Variants in WDR27 observed in about 807,000 individuals in gnomAD.
WDR27 encodes WD repeat-containing protein 27.
WDR27 carries 100 observed loss-of-function variants against 114.4 expected under a neutral mutation model. The observed-to-expected ratio is 0.87, with a 90% CI of 0.74 to 1.03. The LOEUF is 1.03. Ranked by LOEUF, WDR27 falls within the 50% of genes least tolerant of loss-of-function variation. The probability of loss-of-function intolerance (pLI) is 0.00; values close to 1 mark genes in which losing one functional copy is unlikely to be tolerated. For missense variants in WDR27, 1,129 were observed against 1,092.9 expected (o/e 1.03, Z -0.47); for synonymous variants, 449 against 423.1 (o/e 1.06, Z -0.75).
chr6:169,680,658 T>C (rs972925252), intron 2 of WDR27, among the ~76,000 whole-genome samples: 14 of 152,264 alleles, frequency 9.2e-5, no homozygotes, highest in Admixed American at 3.3e-4. Flanking sequence ...AAAGTAATAA[T>C]GGATTGTCAG....
intron 23 of WDR27, 60 bp from the exon 24 acceptor site, chr6:169,582,994 C>G: frequency 1.4e-6 from 2 of 1,476,954 alleles, no homozygotes; most frequent in South Asian, 2.4e-5. Flanking sequence ...CACCTGTAAG[C>G]TAGGCAGAGC....
chr6:169,678,562 A>AT (rs1469210616), intron 2 of WDR27, among the ~76,000 whole-genome samples: 1 of 152,090 alleles, frequency 6.6e-6, no homozygotes, highest in Non-Finnish European at 1.5e-5. Context: ...GGGACTTTTG[A>AT]TTGAGTTGAT....
intron 25 of WDR27, among the ~76,000 whole-genome samples, chr6:169,497,142 T>C (rs1188246073): frequency 2.0e-5 from 3 of 152,034 alleles, no homozygotes; most frequent in African/African-American, 4.8e-5. Flanking sequence ...CTCACATATA[T>C]GGTCAAGGGT....
intron 25 of WDR27, among the ~76,000 whole-genome samples, chr6:169,540,912 T>C (rs368921763): frequency 3.9e-5 from 6 of 152,266 alleles, no homozygotes; most frequent in Middle Eastern, 3.4e-3. Flanking sequence ...GAACCCTCAT[T>C]TTATTGGTGT....
chr6:169,497,372 T>C (rs1385533935), intron 25 of WDR27, among the ~76,000 whole-genome samples: 3 of 151,884 alleles, frequency 2.0e-5, no homozygotes, highest in Non-Finnish European at 2.9e-5. Context: ...GGTATAACAC[T>C]CAAAGGCAAA....
chr6:169,494,531 A>G (rs987147260), intron 25 of WDR27, among the ~76,000 whole-genome samples: 1 of 152,162 alleles, frequency 6.6e-6, no homozygotes, highest in Non-Finnish European at 1.5e-5. Context: ...TTACTAGACA[A>G]TAGAAATTTT....
At chr6:169,638,292 C>G (rs1484624342) in intron 18 of WDR27, among the ~76,000 whole-genome samples, 2 of 63,466 alleles carry the variant, frequency 3.2e-5, no homozygotes, top group Admixed American at 3.6e-4. Context: ...GTCCGCAGTC[C>G]GACCTGGGCG....
chr6:169,637,348 G>A (rs1213635458), intron 18 of WDR27, among the ~76,000 whole-genome samples: 1 of 152,236 alleles, frequency 6.6e-6, no homozygotes, highest in East Asian at 1.9e-4. Context: ...AAATGTTTCA[G>A]TATTAATCAT....
Position 169,649,254 on chromosome 6 carries a change from C to G in WDR27, c.1503G>C (p.Lys501Asn), listed in dbSNP as rs7744717. Residue 501 changes from lysine (K) to asparagine (N), a missense_variant, in exon 15 of 26, where the codon AAG becomes AAC. Coordinates refer to ENST00000448612, the MANE Select transcript of WDR27 (RefSeq NM_182552.5). ...SAPHVTMFSP[K>N]TNIKSEGKGS... Reference sequence around the variant, plus strand: ...CTTTCCCCTCACTCTTGATGTTGGTCTTTGGTGAAAACATAGTTACACTGT... The same window carrying G: ...CTTTCCCCTCACTCTTGATGTTGGTGTTTGGTGAAAACATAGTTACACTGT... 8.5e-4 allele frequency: 1,342 copies of G among 1,575,488 alleles called. 17 individuals carry two copies. In the African/African-American group the frequency reaches 0.017, roughly 20 times the overall value.
At chr6:169,624,305 T>A (rs1814220191) in intron 21 of WDR27, among the ~76,000 whole-genome samples, 1 of 152,046 alleles carries the variant, frequency 6.6e-6, no homozygotes, top group African/African-American at 2.4e-5. Context: ...GTGTGTGGCA[T>A]CAGGTGTGCG....
At chr6:169,576,539 T>C (rs957358426) in intron 24 of WDR27, among the ~76,000 whole-genome samples, 2 of 152,094 alleles carry the variant, frequency 1.3e-5, no homozygotes, top group Admixed American at 6.5e-5. Context: ...GGTGGGAGGA[T>C]TGCTTGAGGG....
At position 169,659,158 on chromosome 6, in the gene WDR27, T is replaced by C. The variant is rs1356139790; in HGVS notation, c.1247A>G (p.Glu416Gly). 14 of 1,610,630 alleles carry C rather than the reference T, an allele frequency of 8.7e-6. No homozygotes were observed. The highest frequency in any genetic ancestry group is 1.7e-6 in the Non-Finnish European group (2 of 1,178,686). The change falls in exon 12 of 26, where the codon GAG (glutamate) becomes GGG (glycine). Residue 416 changes from glutamate to glycine, a missense_variant. By Grantham distance (98) the Glu-to-Gly change is moderately conservative. Transcript: ENST00000448612. This position sits in a 1 kb window ranked among gnomAD's most constrained non-coding sequence, Gnocchi z 4.3. ...CCTGACTAGCGCGGCCGGGTTGATC[T>C]CCAACACGGCAATCTTCCCGCCAAA... ...SLFGGKIAVL[E>G]INPAALVRAQ... is the part of the protein sequence containing the mutation.
At chr6:169,624,290 GTCAGGTGTGTGGCA>G (rs1814214026) in intron 21 of WDR27, among the ~76,000 whole-genome samples, 1 of 152,066 alleles carries the variant, frequency 6.6e-6, no homozygotes, top group Non-Finnish European at 1.5e-5. Context: ...GGTGTGTGGC[GTCAGGTGTGTGGCA>G]TCAGGTGTGC....
intron 21 of WDR27, among the ~76,000 whole-genome samples, chr6:169,621,188 A>G (rs374784131): frequency 6.6e-6 from 1 of 152,222 alleles, no homozygotes; most frequent in South Asian, 2.1e-4. Context: ...ACATATACAT[A>G]CATACACCCA....
intron 1 of WDR27, among the ~76,000 whole-genome samples, chr6:169,698,443 G>A (rs185017655): frequency 2.6e-5 from 4 of 152,232 alleles, no homozygotes; most frequent in East Asian, 1.9e-4. Flanking sequence ...TGTCCACGTC[G>A]AGAACATGAG....
At chr6:169,641,780 T>G (rs1479600521) in intron 17 of WDR27, among the ~76,000 whole-genome samples, 1 of 152,256 alleles carries the variant, frequency 6.6e-6, no homozygotes, top group Non-Finnish European at 1.5e-5. Context: ...AATTTTAGAT[T>G]TAATCTTCCG....
In WDR27 at chr6:169,543,958, T is replaced by C. The variant is rs114052510; in HGVS notation, c.2645+28461A>G. Among the ~76,000 whole-genome samples, 587 of 152,292 alleles carry C rather than the reference T, an allele frequency of 3.9e-3. 6 individuals are homozygous for C. The highest frequency in any genetic ancestry group is 0.014 in the African/African-American group (563 of 41,554). ...TTTCAAATATTGACATATTACATTA[T>C]ACAATATCAAAACATCACAGTTGAC... On this transcript the variant is annotated intron_variant, in intron 25 of 25. Coordinates refer to ENST00000448612, the MANE Select transcript of WDR27 (RefSeq NM_182552.5).
the WDR27 span, among the ~76,000 whole-genome samples, chr6:169,446,798 G>A: frequency 1.3e-5 from 2 of 152,138 alleles, no homozygotes; most frequent in African/African-American, 4.8e-5. Flanking sequence ...ATAACCACTT[G>A]GTTATTAACA....
intron 1 of WDR27, among the ~76,000 whole-genome samples, chr6:169,696,237 G>C (rs1785915662): frequency 6.6e-6 from 1 of 152,230 alleles, no homozygotes; most frequent in South Asian, 2.1e-4. Context: ...CCTGAAGTAA[G>C]ACTAGAACAA....
Sources: gnomAD v4.1 joint callset for allele counts (sites outside exome capture counted in the v4.1 genomes callset) on GRCh38, gnomAD v4.1.1 for gene constraint, Gnocchi (gnomAD v3.1) non-coding constraint, MANE v1.5 for transcripts, NCBI Gene and HGNC (gene_info 2026-07-23, HGNC 2026-07-21) for gene names.